Variants in TTC34 observed in about 807,000 individuals in gnomAD.
TTC34 encodes the protein tetratricopeptide repeat domain 34, also known as tetratricopeptide repeat protein 34.
Under a neutral mutation model 40.7 loss-of-function variants are expected in TTC34, and 44 were observed. The ratio of observed to expected loss-of-function variants is 1.08; its 90% CI spans 0.85 to 1.39. The LOEUF is 1.39. Among genes scored for constraint, TTC34 ranks in the 40% most tolerant of loss-of-function variants. The pLI is 0.00. For synonymous variants in TTC34, 422 were observed against 398.6 expected (o/e 1.06, Z -0.70); for missense variants, 884 against 838.0 (o/e 1.05, Z -0.68).
intron 2 of TTC34, among the ~76,000 whole-genome samples, chr1:2,797,145 G>C (rs544779697): frequency 1.1e-4 from 16 of 152,330 alleles, no homozygotes; most frequent in African/African-American, 3.6e-4. Context: ...CCTGCACTCC[G>C]TATGCCCTTG....
At chr1:2,654,161 C>G (rs983850634) in intron 6 of TTC34, among the ~76,000 whole-genome samples, 152 of 134,478 alleles carry the variant, frequency 1.1e-3, no homozygotes, top group Admixed American at 3.7e-3. Flanking sequence ...CACGGAGCAG[C>G]ACCCACACCC....
exon 3 of TTC34, chr1:2,790,017 C>T (rs1223424408): frequency 7.6e-6 from 3 of 395,340 alleles, no homozygotes; most frequent in Non-Finnish European, 8.9e-6. Flanking sequence ...GCTCCCAGCG[C>T]GGGTCGCGCC....
intron 6 of TTC34, among the ~76,000 whole-genome samples, chr1:2,750,709 C>G (rs1641290530): frequency 6.9e-6 from 1 of 145,032 alleles, no homozygotes; most frequent in East Asian, 2.1e-4. Context: ...ATCCGACAGC[C>G]TGGAGCAGCA....
At chr1:2,798,139 A>C (rs1569978807) in intron 2 of TTC34, among the ~76,000 whole-genome samples, 1 of 49,506 alleles carries the variant, frequency 2.0e-5, no homozygotes, top group Non-Finnish European at 3.8e-5. Flanking sequence ...CCAGCCTCCC[A>C]GCCTCTCAGC....
At chr1:2,777,415 A>G (rs1359239312) in intron 6 of TTC34, among the ~76,000 whole-genome samples, 2 of 150,836 alleles carry the variant, frequency 1.3e-5, no homozygotes, top group Non-Finnish European at 2.9e-5. Context: ...AGCACTCCAC[A>G]CCTCCAGGGG....
In TTC34 at chr1:2,700,426, T is replaced by C. The variant is rs1641079107; in HGVS notation, c.2227-54863A>G. Among the ~76,000 whole-genome samples the C allele has an allele frequency of 4.8e-5, 5 of 104,412 alleles. 1 individual carries two copies. The South Asian group carries it at 9.0e-4, about 19-fold the overall frequency. The allele number at this position is 104,412 out of a possible 152,430, so 68.5% of individuals were successfully genotyped here. A position where few individuals can be genotyped will look rare whatever the true frequency, so the allele number is the denominator to read the frequency against. ...CAGCACCCACACCCCTAGGCGAGCA[T>C]CCGACAGCCTGGAGCAGCACCTACA... On this transcript the variant is annotated intron_variant, in intron 6 of 8. Coordinates refer to ENST00000401095, the Ensembl canonical transcript of TTC34.
intron 6 of TTC34, among the ~76,000 whole-genome samples, chr1:2,688,179 C>A (rs577708266): frequency 2.1e-5 from 3 of 144,900 alleles, no homozygotes; most frequent in East Asian, 2.0e-4. Context: ...CCCAGGCGAG[C>A]ATCGGACAGC....
At chr1:2,756,984 C>T (rs1641527628) in intron 6 of TTC34, among the ~76,000 whole-genome samples, 224 of 149,508 alleles carry the variant, frequency 1.5e-3, no homozygotes, top group Admixed American at 2.4e-3. Flanking sequence ...ACAGCACCCA[C>T]ACGCCCAGGT....
intron 6 of TTC34, among the ~76,000 whole-genome samples, chr1:2,693,075 A>T (rs1640699386): frequency 1.1e-5 from 1 of 89,620 alleles, no homozygotes; most frequent in Admixed American, 1.1e-4. Flanking sequence ...ACCCCAGGCG[A>T]GCATCCGACA....
intron 6 of TTC34, chr1:2,775,008 C>A (rs575390917): frequency 7.9e-6 from 1 of 126,378 alleles, no homozygotes; most frequent in African/African-American, 3.0e-5. Flanking sequence ...CATCTGACAG[C>A]CTGGAACAGC....
chr1:2,750,551 G>A (rs1317161388), intron 6 of TTC34, among the ~76,000 whole-genome samples: 1,340 of 5,498 alleles, frequency 0.24, 228 homozygotes, highest in African/African-American at 0.36. Context: ...GACAGCCTGG[G>A]GCAGCACCCA....
At chr1:2,751,579 C>G (rs1364264479) in intron 6 of TTC34, among the ~76,000 whole-genome samples, 1 of 117,838 alleles carries the variant, frequency 8.5e-6, no homozygotes, top group Non-Finnish European at 1.7e-5. Context: ...CCCAGGTGCG[C>G]ACGTGACAGC....
chr1:2,638,024 C>T (rs993086885), exon 9 of TTC34: 38 of 152,268 alleles, frequency 2.5e-4, no homozygotes, highest in African/African-American at 8.9e-4. Flanking sequence ...AGCAGCTTGT[C>T]CTCCAAGATC....
chr1:2,769,607 G>C (rs1641973478), intron 6 of TTC34, among the ~76,000 whole-genome samples: 1 of 125,050 alleles, frequency 8.0e-6, no homozygotes, highest in Admixed American at 8.7e-5. Flanking sequence ...GGGAGCATCT[G>C]ACAGCCTGGA....
chr1:2,652,576 C>A (rs76231209), intron 6 of TTC34, among the ~76,000 whole-genome samples: 2 of 151,740 alleles, frequency 1.3e-5, no homozygotes, highest in East Asian at 1.9e-4. Flanking sequence ...CCCAGGTGAG[C>A]ATTGGACAGC....
intron 6 of TTC34, among the ~76,000 whole-genome samples, chr1:2,748,579 C>T (rs1344287978): frequency 4.5e-4 from 47 of 103,304 alleles, no homozygotes; most frequent in African/African-American, 1.6e-3. Flanking sequence ...GAGCATCTGA[C>T]AGCCTGGAGC....
chr1:2,768,477 T>C (rs1477086698), intron 6 of TTC34, among the ~76,000 whole-genome samples: 1 of 148,386 alleles, frequency 6.7e-6, no homozygotes, highest in Admixed American at 6.7e-5. Flanking sequence ...AAGAATTTGA[T>C]AAGTGGGGAA....
At chr1:2,691,662 ACCCC>A (rs1640624394) in intron 6 of TTC34, among the ~76,000 whole-genome samples, 23 of 102,502 alleles carry the variant, frequency 2.2e-4, no homozygotes, top group Non-Finnish European at 3.4e-4. Context: ...CAGCACCGAC[ACCCC>A]CAGGTGAGCA....
intron 6 of TTC34, among the ~76,000 whole-genome samples, chr1:2,767,941 A>C (rs907914064): frequency 6.7e-6 from 1 of 148,650 alleles, no homozygotes; most frequent in Non-Finnish European, 1.5e-5. Context: ...CAAGGTGGGC[A>C]TCCGATGGCA....
Sources: allele counts gnomAD v4.1 joint callset (sites outside exome capture counted in the v4.1 genomes callset), GRCh38; gene constraint gnomAD v4.1.1; transcripts MANE v1.5; gene names NCBI Gene and HGNC (gene_info 2026-07-23, HGNC 2026-07-21).